Variants in PXYLP1 observed in about 807,000 individuals in gnomAD.
PXYLP1 encodes the protein 2-phosphoxylose phosphatase 1.
In PXYLP1, 17 loss-of-function variants were observed where a neutral mutation model predicts 37.9. That is an observed-to-expected ratio of 0.45 (90% CI 0.31 to 0.67). PXYLP1 has a LOEUF of 0.67. Among genes scored for constraint, PXYLP1 ranks in the 30% least tolerant of loss-of-function variants. The pLI is 0.07. For synonymous variants in PXYLP1, 221 were observed against 232.2 expected, an observed-to-expected ratio of 0.95 and a Z score of 0.44; for missense variants, 511 against 612.0, an observed-to-expected ratio of 0.84 and a Z score of 1.74.
chr3:141,273,178 C>T (rs1272060082), intron 2 of PXYLP1: 9 of 985,096 alleles, frequency 9.1e-6, no homozygotes, highest in African/African-American at 5.2e-5. Context: ...TTGTAAACCC[C>T]GTGAGGGCAG....
At chr3:141,266,191 C>G (rs564536410) in intron 2 of PXYLP1, among the ~76,000 whole-genome samples, 1 of 152,324 alleles carries the variant, frequency 6.6e-6, no homozygotes, top group African/African-American at 2.4e-5. Context: ...TTTGGCCCAA[C>G]CCCTGTTTTT....
At chr3:141,288,552 A>G (rs372628843) in intron 5 of PXYLP1, among the ~76,000 whole-genome samples, 1 of 152,218 alleles carries the variant, frequency 6.6e-6, no homozygotes, top group African/African-American at 2.4e-5. Flanking sequence ...TGATTACACA[A>G]TTAACTATTT....
chr3:141,285,144 C>CTTTTCTT (rs763505752), intron 4 of PXYLP1, among the ~76,000 whole-genome samples: 1 of 78,764 alleles, frequency 1.3e-5, no homozygotes, highest in African/African-American at 4.4e-5. Context: ...TTTTCTTTTT[C>CTTTTCTT]TTTTTTTTTT....
chr3:141,283,190 G>A (rs1024714317), intron 4 of PXYLP1, among the ~76,000 whole-genome samples: 3 of 151,062 alleles, frequency 2.0e-5, no homozygotes, highest in Non-Finnish European at 4.4e-5. Context: ...CACCATGTTG[G>A]CCAGGATGGT....
chr3:141,234,268 G>A (rs1218048894), intron 1 of PXYLP1: 2 of 152,094 alleles, frequency 1.3e-5, no homozygotes, highest in East Asian at 3.8e-4. Flanking sequence ...CCTCAGTGGG[G>A]ACTCCAAGAT....
intron 2 of PXYLP1, among the ~76,000 whole-genome samples, chr3:141,276,698 G>A (rs761964551): frequency 1.3e-5 from 2 of 152,182 alleles, no homozygotes; most frequent in African/African-American, 2.4e-5. Flanking sequence ...GAGATCGGGG[G>A]TAGTGCACAT....
chr3:141,240,566 G>A (rs942327958), intron 1 of PXYLP1, among the ~76,000 whole-genome samples: 3 of 152,104 alleles, frequency 2.0e-5, no homozygotes, highest in African/African-American at 7.2e-5. Context: ...TACCTTCCAA[G>A]GGGAGGAAAT....
At chr3:141,245,460 G>A (rs1267941511) in intron 1 of PXYLP1, among the ~76,000 whole-genome samples, 3 of 152,144 alleles carry the variant, frequency 2.0e-5, no homozygotes, top group Non-Finnish European at 2.9e-5. Context: ...GCCATGCCTT[G>A]TTCTCTGTCC....
rs12486678 is a variant in PXYLP1, at chr3:141,235,968, G to A, written c.-54+4057G>A. Among the ~76,000 whole-genome samples the A allele has an allele frequency of 9.9e-3, 1,503 of 152,340 alleles. 76 individuals are homozygous for A. The highest frequency in any genetic ancestry group is 0.087 in the Admixed American group (1,332 of 15,300). ...AAAAAGTTCAGTCTGCAGTGATGGC[G>A]GGAACAATCTCAGGAGTCTGGAAGA... On this transcript the variant is annotated intron_variant, in intron 1 of 5. Transcript: ENST00000286353.
At chr3:141,272,475 C>T (rs1941687053) in intron 2 of PXYLP1, among the ~76,000 whole-genome samples, 1 of 137,970 alleles carries the variant, frequency 7.2e-6, no homozygotes, top group Admixed American at 7.3e-5. Context: ...CTAGTGTTCG[C>T]TACTAACCCA....
Position 141,292,815 on chromosome 3 carries a change from C to T in PXYLP1, c.1053C>T (p.Pro351=), listed in dbSNP as rs753669433. ...GGTATTCTCTCCTGGGTGCCCACCC[C>T]ATCCTGAACCAAACCATCGGCCGGA... ...YFGYSLLGAH[P]ILNQTIGRMQ... The change falls in exon 6 of 6, where the codon CCC becomes CCT. Residue 351 remains proline, a synonymous_variant. Coordinates refer to ENST00000286353, the MANE Select transcript of PXYLP1 (RefSeq NM_001037172.3). This position sits in a 1 kb window ranked among gnomAD's most constrained non-coding sequence, Gnocchi z 4.3. 6.2e-7 allele frequency: 1 copy of T among 1,613,732 alleles called. No homozygotes were observed. The highest frequency in any genetic ancestry group is 1.1e-5 in the South Asian group (1 of 90,998).
chr3:141,262,750 A>G, intron 2 of PXYLP1: 1 of 1,471,288 alleles, frequency 6.8e-7, no homozygotes, highest in African/African-American at 1.4e-5. Flanking sequence ...GAATTTCCCC[A>G]TTTCTGTAGA....
At chr3:141,286,705 G>A (rs547816181) in intron 4 of PXYLP1, among the ~76,000 whole-genome samples, 1 of 152,336 alleles carries the variant, frequency 6.6e-6, no homozygotes, top group Admixed American at 6.5e-5. Context: ...GATAGGGAAG[G>A]GCAGTGACTG....
At position 141,279,452 on chromosome 3, in the gene PXYLP1, G is replaced by A. The variant is rs1413121044; in HGVS notation, c.313G>A (p.Val105Ile). The A allele has an allele frequency of 1.9e-6, 3 of 1,614,246 alleles. No individual in the cohort carries two copies. Among genetic ancestry groups the A allele is most frequent in the Admixed American group, 1.7e-5 (1 of 60,034 alleles). ...CCACGGAGACAGGTACCCACTGTATGTCATTCCCAAAACAAAGCGACCAGA... is the reference window on the plus strand; with the variant it reads ...CCACGGAGACAGGTACCCACTGTATATCATTCCCAAAACAAAGCGACCAGA... ...IRHGDRYPLY[V>I]IPKTKRPEID... The change falls in exon 4 of 6, where the codon GTC becomes ATC. Residue 105 changes from valine to isoleucine, a missense_variant. Coordinates refer to ENST00000286353, the MANE Select transcript of PXYLP1 (RefSeq NM_001037172.3).
chr3:141,293,162 G>A lies in PXYLP1; in HGVS notation c.1400G>A (p.Ser467Asn), dbSNP rs1359877611. 1.2e-6 allele frequency: 2 copies of A among 1,614,058 alleles called. No individual in the cohort carries two copies. Among genetic ancestry groups the A allele is most frequent in the African/African-American group, 1.3e-5 (1 of 75,068 alleles). Residue 467 changes from serine (S) to asparagine (N), a missense_variant, in exon 6 of 6, where the codon AGT becomes AAT. By Grantham distance (46) the Ser-to-Asn change is conservative. Coordinates refer to ENST00000286353, the MANE Select transcript of PXYLP1 (RefSeq NM_001037172.3). ...GACATGTTTGTAGCCCTGGGTGGCA[G>A]TGGTACAAATTATTATGATGCATGT... Reference protein sequence around the residue: ...KRDMFVALGGSGTNYYDACHR... With the variant: ...KRDMFVALGGNGTNYYDACHR...
chr3:141,278,637 C>G lies in PXYLP1; in HGVS notation c.238+137C>G, dbSNP rs1437662432. 8.0e-6 allele frequency: 9 copies of G among 1,127,652 alleles called. No individual in the cohort carries two copies. The East Asian group carries it at 1.9e-4, about 24-fold the overall frequency. The allele number at this position is 1,127,652 out of a possible 1,614,324, so 69.9% of individuals were successfully genotyped here. ...ACCAGGCTGTGCCCTTGAATGAGTTCCTGGGTCCTTGCATTCTCCTCTATA... is the reference window on the plus strand; with the variant it reads ...ACCAGGCTGTGCCCTTGAATGAGTTGCTGGGTCCTTGCATTCTCCTCTATA... On this transcript the variant is annotated intron_variant, in intron 3 of 5. Coordinates refer to ENST00000286353, the MANE Select transcript of PXYLP1 (RefSeq NM_001037172.3).
intron 4 of PXYLP1, among the ~76,000 whole-genome samples, chr3:141,279,851 C>T (rs1466312697): frequency 1.3e-5 from 2 of 152,198 alleles, no homozygotes; most frequent in Non-Finnish European, 2.9e-5. Flanking sequence ...GCGGGCAAGC[C>T]CCTTAGTGTC....
chr3:141,247,261 G>T (rs1390209520), intron 1 of PXYLP1, among the ~76,000 whole-genome samples: 1 of 152,254 alleles, frequency 6.6e-6, no homozygotes, highest in African/African-American at 2.4e-5. Flanking sequence ...TGGGGCCGTG[G>T]AGGCCATGGG....
chr3:141,286,327 T>C lies in PXYLP1; in HGVS notation c.366-987T>C, dbSNP rs191809242. On this transcript the variant is annotated intron_variant, in intron 4 of 5. Coordinates refer to ENST00000286353, the MANE Select transcript of PXYLP1 (RefSeq NM_001037172.3). Reference sequence around the variant, plus strand: ...TCTCATATATAAACTTTTTTTGACATTTATTATTACCCTATATTAAATGAG... The same window carrying C: ...TCTCATATATAAACTTTTTTTGACACTTATTATTACCCTATATTAAATGAG... Among the ~76,000 whole-genome samples the C allele has an allele frequency of 1.6e-4, 25 of 152,328 alleles. 1 individual carries two copies. The highest frequency in any genetic ancestry group is 1.5e-3 in the Admixed American group (23 of 15,300).
Sources: gnomAD v4.1 joint callset for allele counts (sites outside exome capture counted in the v4.1 genomes callset) on GRCh38, gnomAD v4.1.1 for gene constraint, Gnocchi (gnomAD v3.1) non-coding constraint, MANE v1.5 for transcripts, NCBI Gene and HGNC (gene_info 2026-07-23, HGNC 2026-07-21) for gene names.